The following MGST1 variants were observed in gnomAD, a reference collection of about 807,000 sequenced individuals.
MGST1 encodes the protein microsomal glutathione S-transferase 1.
Under a neutral mutation model 8.9 loss-of-function variants are expected in MGST1, and 5 were observed. The ratio of observed to expected loss-of-function variants is 0.56; its 90% CI spans 0.29 to 1.19. The LOEUF (loss-of-function observed/expected upper bound fraction) is 1.19. Among genes scored for constraint, MGST1 ranks in the 50% most tolerant of loss-of-function variants. The probability of loss-of-function intolerance (pLI) is 0.08; values close to 1 mark genes in which losing one functional copy is unlikely to be tolerated. For missense variants in MGST1, 182 were observed against 187.4 expected, an observed-to-expected ratio of 0.97 and a Z score of 0.17; for synonymous variants, 54 against 67.8, an observed-to-expected ratio of 0.80 and a Z score of 1.00.
intron 4 of MGST1, among the ~76,000 whole-genome samples, chr12:16,470,344 G>T (rs960539893): frequency 3.9e-5 from 6 of 152,106 alleles, no homozygotes; most frequent in African/African-American, 1.2e-4. Context: ...GAAAACAAAA[G>T]AAAAATCTCT....
intron 4 of MGST1, among the ~76,000 whole-genome samples, chr12:16,448,429 G>A (rs1243102585): frequency 6.6e-6 from 1 of 151,506 alleles, no homozygotes; most frequent in East Asian, 2.0e-4. Context: ...GCTAAGCAAG[G>A]GCAGGCTTAA....
chr12:16,580,283 A>G (rs965665047), intron 4 of MGST1, among the ~76,000 whole-genome samples: 6 of 152,164 alleles, frequency 3.9e-5, no homozygotes, highest in Non-Finnish European at 7.3e-5. Context: ...AATTTTGTCA[A>G]TGTTTAAAGC....
chr12:16,366,014 C>T (rs1170592135), downstream of MGST1, among the ~76,000 whole-genome samples: 1 of 152,138 alleles, frequency 6.6e-6, no homozygotes, highest in Non-Finnish European at 1.5e-5. This position sits in a 1 kb window ranked among gnomAD's most constrained non-coding sequence, Gnocchi z 4.0. Context: ...CGTCTTTCAT[C>T]GTTTTCTTAA....
intron 1 of MGST1, among the ~76,000 whole-genome samples, chr12:16,431,624 C>T (rs1318494665): frequency 6.6e-6 from 1 of 151,846 alleles, no homozygotes; most frequent in Non-Finnish European, 1.5e-5. Flanking sequence ...TTCACTGTGG[C>T]CCAAAAGAAT....
In MGST1 at chr12:16,584,554, C is replaced by T. The variant is rs555802550; in HGVS notation, n.483-4974C>T. Among the ~76,000 whole-genome samples the T allele has an allele frequency of 7.9e-4, 120 of 151,978 alleles. No homozygotes were observed. The highest frequency in any genetic ancestry group is 3.4e-3 in the Middle Eastern group (1 of 294). On this transcript the variant is annotated intron_variant and non_coding_transcript_variant, in intron 4 of 4. Transcript: ENST00000538857. This position sits in a 1 kb window ranked among gnomAD's most constrained non-coding sequence, Gnocchi z 5.2. ...TGAGGAAAGGAATGGAAACAAGAGACGTTTTAGATTAACATTGGCAAGTGG... is the reference window on the plus strand; with the variant it reads ...TGAGGAAAGGAATGGAAACAAGAGATGTTTTAGATTAACATTGGCAAGTGG...
At chr12:16,475,960 G>GAAA (rs796973337) in intron 4 of MGST1, among the ~76,000 whole-genome samples, 1 of 140,514 alleles carries the variant, frequency 7.1e-6, no homozygotes, top group African/African-American at 2.6e-5. Context: ...CGTCTGAAAA[G>GAAA]AAAAAAAAAA....
rs993849929 is a variant in MGST1, at chr12:16,401,183, G to A, written n.778+17579G>A. The stretch of plus-strand genomic sequence containing the variant: ...TTCACAGAAGTGAGAACAGTAGCTG[G>A]GCCATCCTCATCCATAAGCACTGTG... On this transcript the variant is annotated intron_variant and non_coding_transcript_variant, in intron 1 of 1. Transcript: ENST00000359720. This position sits in a 1 kb window ranked among gnomAD's most constrained non-coding sequence, Gnocchi z 4.3. The A allele has an allele frequency of 3.0e-5, 47 of 1,557,374 alleles. No homozygotes were observed. Among genetic ancestry groups the A allele is most frequent in the Non-Finnish European group, 3.7e-5 (42 of 1,130,564 alleles).
intron 4 of MGST1, among the ~76,000 whole-genome samples, chr12:16,554,351 C>T (rs1942105778): frequency 6.6e-6 from 1 of 152,182 alleles, no homozygotes; most frequent in Admixed American, 6.5e-5. Flanking sequence ...TAATTTCTAT[C>T]TTACAACACT....
chr12:16,489,010 T>C (rs1941419162), intron 4 of MGST1, among the ~76,000 whole-genome samples: 1 of 152,114 alleles, frequency 6.6e-6, no homozygotes, highest in African/African-American at 2.4e-5. Flanking sequence ...CTCAGAAGGC[T>C]GATGTGGGAG....
chr12:16,502,889 T>C (rs555488995), intron 4 of MGST1, among the ~76,000 whole-genome samples: 217 of 152,340 alleles, frequency 1.4e-3, no homozygotes, highest in Non-Finnish European at 2.3e-3. Flanking sequence ...ATCAGAAGCA[T>C]GTCTTGCCAC....
At chr12:16,373,661 A>C (rs1279321222) in intron 3 of MGST1, among the ~76,000 whole-genome samples, 3 of 152,122 alleles carry the variant, frequency 2.0e-5, no homozygotes, top group Non-Finnish European at 4.4e-5. Context: ...ATATAAATGG[A>C]TACTGAAATT....
At chr12:16,415,627 TAAG>T (rs2137078687) in intron 1 of MGST1, among the ~76,000 whole-genome samples, 1 of 152,360 alleles carries the variant, frequency 6.6e-6, no homozygotes, top group Non-Finnish European at 1.5e-5. Context: ...TAATTCATCT[TAAG>T]AATACAGTAC....
chr12:16,561,632 G>A (rs1390325718), intron 4 of MGST1, among the ~76,000 whole-genome samples: 1 of 152,206 alleles, frequency 6.6e-6, no homozygotes, highest in Non-Finnish European at 1.5e-5. Context: ...AGGCACAAAT[G>A]TGCTGAAGTC....
chr12:16,455,023 C>A (rs1941162081), intron 4 of MGST1, among the ~76,000 whole-genome samples: 1 of 151,606 alleles, frequency 6.6e-6, no homozygotes, highest in Admixed American at 6.6e-5. Flanking sequence ...AAATCTTACT[C>A]ATTTTGTATC....
intron 4 of MGST1, among the ~76,000 whole-genome samples, chr12:16,545,817 A>C (rs956536916): frequency 1.3e-5 from 2 of 152,120 alleles, no homozygotes; most frequent in African/African-American, 4.8e-5. Flanking sequence ...CTTTAAAGAT[A>C]ATATTAACTC....
At chr12:16,405,786 A>G (rs1247834951) in intron 1 of MGST1, among the ~76,000 whole-genome samples, 2 of 152,220 alleles carry the variant, frequency 1.3e-5, no homozygotes, top group Non-Finnish European at 2.9e-5. Context: ...GTGATTCATC[A>G]CATAAACAAA....
In MGST1 at chr12:16,548,570, C is replaced by G. The variant is rs760058958; in HGVS notation, n.483-40958C>G. On this transcript the variant is annotated intron_variant and non_coding_transcript_variant, in intron 4 of 4. Coordinates refer to the MGST1 transcript ENST00000538857. This position sits in a 1 kb window ranked among gnomAD's most constrained non-coding sequence, Gnocchi z 4.2. ...TGCGAGATGCATCTTAGGAAGGGAG[C>G]TTTCGCTGCTCAGAAATCAAAGCTC... 1.3e-5 allele frequency: 2 copies of G among 152,088 alleles called. No homozygotes were observed. 9.4% of individuals were successfully genotyped at this position (152,088 alleles called of 1,614,324 possible).
rs10628214 is a variant in MGST1, at chr12:16,471,920, T to TACAC, written n.482+88334_482+88337dup. The stretch of plus-strand genomic sequence containing the variant: ...AGTGTAGAGCTCACATACACACACA[T>TACAC]ACACACACACACACACACACAGACA... On this transcript the variant is annotated intron_variant and non_coding_transcript_variant, in intron 4 of 4. Transcript: ENST00000538857. Among the ~76,000 whole-genome samples, 369 of 149,010 alleles carry TACAC rather than the reference T, an allele frequency of 2.5e-3. 1 individual carries two copies. The highest frequency in any genetic ancestry group is 6.8e-3 in the Middle Eastern group (2 of 292).
chr12:16,552,141 C>T (rs1429250103), intron 4 of MGST1, among the ~76,000 whole-genome samples: 3 of 152,034 alleles, frequency 2.0e-5, no homozygotes, highest in East Asian at 3.9e-4. Context: ...GATTTCCCCA[C>T]GGTGACACTT....
Sources: allele counts gnomAD v4.1 joint callset (sites outside exome capture counted in the v4.1 genomes callset), GRCh38; gene constraint gnomAD v4.1.1; non-coding constraint Gnocchi (gnomAD v3.1); transcripts MANE v1.5; gene names NCBI Gene and HGNC (gene_info 2026-07-23, HGNC 2026-07-21).